Variants in CSNK2A1 observed in about 807,000 individuals in gnomAD.
CSNK2A1 encodes casein kinase 2 alpha 1, also known as casein kinase II subunit alpha.
A neutral mutation model predicts 62.9 loss-of-function variants in CSNK2A1; 10 were observed. That is an observed-to-expected ratio of 0.16 (90% CI 0.10 to 0.27). The LOEUF is 0.27. Ranked by LOEUF, CSNK2A1 falls within the 10% of genes least tolerant of loss-of-function variation. The pLI, the probability that CSNK2A1 is intolerant of heterozygous loss-of-function variation, is 1.00. For synonymous variants in CSNK2A1, 124 were observed against 167.8 expected (o/e 0.74, Z 2.02); for missense variants, 160 against 492.0 (o/e 0.33, Z 6.38).
At chr20:514,147 C>T (rs934424854) in intron 2 of CSNK2A1, among the ~76,000 whole-genome samples, 3 of 151,916 alleles carry the variant, frequency 2.0e-5, no homozygotes, top group African/African-American at 7.3e-5. Flanking sequence ...AGTTTGAGAC[C>T]ACCCTGGGCA....
At chr20:532,012 G>C (rs1453581729) in intron 1 of CSNK2A1, among the ~76,000 whole-genome samples, 1 of 152,214 alleles carries the variant, frequency 6.6e-6, no homozygotes, top group Admixed American at 6.5e-5. Flanking sequence ...TGTCCAAAGA[G>C]AATTACTTGT....
chr20:527,001 C>CAGAGAGAGAGAGAGAGAGAGAGAGAGAG (rs3055009), intron 2 of CSNK2A1: 1 of 97,812 alleles, frequency 1.0e-5, no homozygotes, highest in Non-Finnish European at 2.0e-5. Context: ...GAGAGACAGA[C>CAGAGAGAGAGAGAGAGAGAGAGAGAGAG]AGAGAGAGAG....
At chr20:489,757 T>G in intron 10 of CSNK2A1, 23 bp downstream of exon 10, 1 of 1,589,832 alleles carries the variant, frequency 6.3e-7, no homozygotes. Context: ...AGTACATTTT[T>G]CAATGGGTAT....
intron 2 of CSNK2A1, among the ~76,000 whole-genome samples, chr20:512,493 A>G (rs971157848): frequency 6.6e-6 from 1 of 152,186 alleles, no homozygotes; most frequent in African/African-American, 2.4e-5. Context: ...TACCACACCC[A>G]AAGAGAAGCC....
intron 2 of CSNK2A1, among the ~76,000 whole-genome samples, chr20:526,505 G>A (rs1021861074): frequency 1.3e-5 from 2 of 151,950 alleles, no homozygotes; most frequent in Non-Finnish European, 2.9e-5. Context: ...CAGCTACTCA[G>A]GAGGCTAAGG....
At chr20:491,133 A>C (rs1364926119) in intron 9 of CSNK2A1, among the ~76,000 whole-genome samples, 1 of 152,184 alleles carries the variant, frequency 6.6e-6, no homozygotes. Context: ...CAAGAACAAA[A>C]AGTCTGAAAC....
In CSNK2A1 at chr20:499,375, T is replaced by G. The variant is rs1414111883; in HGVS notation, c.316-70A>C. The G allele has an allele frequency of 1.4e-6, 2 of 1,475,488 alleles. No individual in the cohort carries two copies. The highest frequency in any genetic ancestry group is 2.8e-5 in the African/African-American group (2 of 71,114). 91.4% of individuals were successfully genotyped at this position (1,475,488 alleles called of 1,614,324 possible). On this transcript the variant is annotated intron_variant, in intron 5 of 13. Transcript: ENST00000217244. This position sits in a 1 kb window ranked among gnomAD's most constrained non-coding sequence, Gnocchi z 4.2. ...CTGACAGCTTTAATGGGGACAATGT[T>G]TGCGGATGCTGCGTGGTGAAATTTG...
chr20:527,179 A>C (rs2019116356), intron 2 of CSNK2A1, among the ~76,000 whole-genome samples: 2 of 152,204 alleles, frequency 1.3e-5, no homozygotes, highest in Non-Finnish European at 2.9e-5. Context: ...AGATAAGACA[A>C]TATCACGAAC....
Position 499,549 on chromosome 20 carries a change from C to A in CSNK2A1, c.316-244G>T. 1.8e-6 allele frequency: 1 copy of A among 544,728 alleles called. No homozygotes were observed. The highest frequency in any genetic ancestry group is 3.2e-6 in the Non-Finnish European group (1 of 311,594). 33.7% of individuals were successfully genotyped at this position (544,728 alleles called of 1,614,324 possible). On this transcript the variant is annotated intron_variant, in intron 5 of 13. Transcript: ENST00000217244. The surrounding 1 kb of genome is among the most constrained non-coding windows in gnomAD (Gnocchi z 4.2). ...CCAGGCTCTAGGCAGCCCGACAATG[C>A]GCCCATCGCCCATCGGCATCGGACC...
chr20:517,742 A>C (rs561722225), intron 2 of CSNK2A1, among the ~76,000 whole-genome samples: 29 of 152,264 alleles, frequency 1.9e-4, no homozygotes, highest in African/African-American at 6.7e-4. Context: ...AAAATGACCA[A>C]AGGCTGGCAC....
At chr20:510,661 G>C (rs2018700353) in intron 2 of CSNK2A1, among the ~76,000 whole-genome samples, 1 of 152,138 alleles carries the variant, frequency 6.6e-6, no homozygotes, top group South Asian at 2.1e-4. Flanking sequence ...ATTACAATAG[G>C]TAAACGTGCG....
At position 499,311 on chromosome 20, in the gene CSNK2A1, G is replaced by A. The variant is rs887805306; in HGVS notation, c.316-6C>T. ...ACCAAGGCGGGGGTTCGTGACTAGG[G>A]GAAAAGAACAAAAACAAAAACACAC... On this transcript the variant is annotated splice_region_variant and splice_polypyrimidine_tract_variant and intron_variant, in intron 5 of 13. Transcript: ENST00000217244. This position sits in a 1 kb window ranked among gnomAD's most constrained non-coding sequence, Gnocchi z 4.2. 9 of 1,608,768 alleles carry A rather than the reference G, an allele frequency of 5.6e-6. 1 individual carries two copies. Among genetic ancestry groups the A allele is most frequent in the African/African-American group, 1.3e-5 (1 of 74,628 alleles).
At chr20:506,995 T>G (rs902923992) in intron 3 of CSNK2A1, 2 of 152,206 alleles carry the variant, frequency 1.3e-5, no homozygotes, top group African/African-American at 4.8e-5. Flanking sequence ...AGATTATCAG[T>G]AATAACAACA....
chr20:490,233 G>A (rs531665159), intron 9 of CSNK2A1, among the ~76,000 whole-genome samples: 14 of 148,380 alleles, frequency 9.4e-5, no homozygotes, highest in African/African-American at 3.0e-4. Context: ...GTTTCACTAC[G>A]TTGGCCAGTG....
chr20:536,408 T>C (rs2019325250), intron 1 of CSNK2A1, among the ~76,000 whole-genome samples: 1 of 152,214 alleles, frequency 6.6e-6, no homozygotes, highest in Admixed American at 6.5e-5. Flanking sequence ...CCTGAGATAA[T>C]ACTAGCTAGT....
intron 2 of CSNK2A1, among the ~76,000 whole-genome samples, chr20:519,321 A>G (rs1191421209): frequency 6.6e-6 from 1 of 152,264 alleles, no homozygotes; most frequent in Non-Finnish European, 1.5e-5. Flanking sequence ...ATATCCCAGA[A>G]GCAATCAGAC....
At chr20:505,039 T>C (rs946823500) in intron 4 of CSNK2A1, 79 bp downstream of exon 4, 8 of 1,248,780 alleles carry the variant, frequency 6.4e-6, no homozygotes, top group Non-Finnish European at 8.8e-6. Flanking sequence ...ACCTTTTAAA[T>C]GCTGTTTTAA....
In CSNK2A1 at chr20:479,435, T is replaced by C. The variant is rs779311773; in HGVS notation, c.*4526A>G. 5 of 152,224 alleles carry C rather than the reference T, an allele frequency of 3.3e-5. No individual in the cohort carries two copies. Among genetic ancestry groups the C allele is most frequent in the Non-Finnish European group, 5.9e-5 (4 of 68,050 alleles). The allele number at this position is 152,224 out of a possible 1,614,324, so 9.4% of individuals were successfully genotyped here. ...GGGCAAAAAGGGGGCTTGGTCTGTA[T>C]TGGCAATGGAAATTCAACTTGGGTG... On this transcript the variant is annotated 3_prime_UTR_variant, in exon 14 of 14. Transcript: ENST00000217244.
intron 4 of CSNK2A1, chr20:501,600 T>C (rs2018471488): frequency 6.6e-6 from 1 of 152,216 alleles, no homozygotes; most frequent in South Asian, 2.1e-4. Context: ...ATTTTACTCT[T>C]ACAGCATATC....
Sources: gnomAD v4.1 joint callset for allele counts (sites outside exome capture counted in the v4.1 genomes callset) on GRCh38, gnomAD v4.1.1 for gene constraint, Gnocchi (gnomAD v3.1) non-coding constraint, MANE v1.5 for transcripts, NCBI Gene and HGNC (gene_info 2026-07-23, HGNC 2026-07-21) for gene names.